The following FXR1 variants were observed in gnomAD, a reference collection of about 807,000 sequenced individuals.
FXR1 encodes FMR1 autosomal homolog 1.
In FXR1, 15 loss-of-function variants were observed where a neutral mutation model predicts 84.0. That is an observed-to-expected ratio of 0.18 (90% confidence interval 0.12 to 0.27). FXR1 has a LOEUF of 0.27. Ranked by LOEUF, FXR1 falls within the 10% of genes least tolerant of loss-of-function variation. The pLI is 1.00. For missense variants in FXR1, 480 were observed against 774.4 expected (o/e 0.62, Z 4.51); for synonymous variants, 245 against 250.7 (o/e 0.98, Z 0.21).
intron 3 of FXR1, among the ~76,000 whole-genome samples, chr3:180,944,944 G>A (rs1721544048): frequency 1.3e-5 from 2 of 152,206 alleles, no homozygotes; most frequent in South Asian, 4.1e-4. Context: ...ATTTTAGTGA[G>A]GGTTTAAACA....
At chr3:180,973,803 ATAGT>A (rs375122839) in intron 15 of FXR1, among the ~76,000 whole-genome samples, 15 of 152,290 alleles carry the variant, frequency 9.8e-5, no homozygotes, top group African/African-American at 3.4e-4. Flanking sequence ...GATTTACATA[ATAGT>A]TCTAGAAAGT....
In FXR1 at chr3:180,979,855, G is replaced by A. The variant is rs1714529490; in HGVS notation, c.*3563G>A. ...AAAAGTTTATCAGTGTATCATTTCAGATTCATCTGTATCTTCTGTAATATT... is the reference window on the plus strand; with the variant it reads ...AAAAGTTTATCAGTGTATCATTTCAAATTCATCTGTATCTTCTGTAATATT... On this transcript the variant is annotated 3_prime_UTR_variant, in exon 17 of 17. Transcript: ENST00000357559. 6.6e-6 allele frequency: 1 copy of A among 151,940 alleles called. No homozygotes were observed. The highest frequency in any genetic ancestry group is 1.5e-5 in the Non-Finnish European group (1 of 67,918). 9.4% of individuals were successfully genotyped at this position (151,940 alleles called of 1,614,324 possible). A position where few individuals can be genotyped will look rare whatever the true frequency, so the allele number is the denominator to read the frequency against.
At chr3:180,963,792 ATTCTTCTTC>A (rs1255063091) in intron 13 of FXR1, among the ~76,000 whole-genome samples, 3 of 152,086 alleles carry the variant, frequency 2.0e-5, no homozygotes, top group Admixed American at 6.6e-5. Flanking sequence ...ATTCTCCCTT[ATTCTTCTTC>A]AGCTTTGGAG....
At chr3:180,928,747 G>A (rs1432446732) in intron 1 of FXR1, among the ~76,000 whole-genome samples, 6 of 151,882 alleles carry the variant, frequency 4.0e-5, no homozygotes, top group African/African-American at 1.5e-4. Context: ...GAAGGCTAAT[G>A]GATTGTTAGT....
Position 180,929,756 on chromosome 3 carries a change from T to A in FXR1, c.52-3578T>A, listed in dbSNP as rs570153492. ...GGTGGCTTGGGAATACAAAAATACA[T>A]TTAAAAGTATTGACTGTGTCCTGTG... On this transcript the variant is annotated intron_variant, in intron 1 of 16. Coordinates refer to ENST00000357559, the MANE Select transcript of FXR1 (RefSeq NM_005087.4). Among the ~76,000 whole-genome samples the A allele has an allele frequency of 2.4e-4, 37 of 152,286 alleles. No individual in the cohort carries two copies. The Middle Eastern group carries it at 0.01, about 42-fold the overall frequency.
rs534148558 is a variant in FXR1 at position 180,982,635 on chromosome 3, A to ACTAT, written c.*6346_*6349dup. On this transcript the variant is annotated 3_prime_UTR_variant, in exon 17 of 17. Transcript: ENST00000357559. ...CTTCATTGCCTGTCGGCATATTATC[A>ACTAT]CTATCTGTCTTTGAAAAATTTTCTT... 1.3e-5 allele frequency: 2 copies of ACTAT among 152,228 alleles called. No homozygotes were observed. Among genetic ancestry groups the ACTAT allele is most frequent in the South Asian group, 2.1e-4 (1 of 4,830 alleles). The allele number at this position is 152,228 out of a possible 1,614,324, so 9.4% of individuals were successfully genotyped here.
At chr3:180,966,172 T>C (rs1441728984) in intron 13 of FXR1, among the ~76,000 whole-genome samples, 2 of 152,186 alleles carry the variant, frequency 1.3e-5, no homozygotes, top group East Asian at 3.8e-4. Context: ...TTTTTGTCAT[T>C]TGGTGAAATA....
At chr3:180,925,018 A>G (rs2108431549) in intron 1 of FXR1, among the ~76,000 whole-genome samples, 1 of 152,312 alleles carries the variant, frequency 6.6e-6, no homozygotes, top group African/African-American at 2.4e-5. Flanking sequence ...TTTCTTCTCA[A>G]AATATCTTCC....
chr3:180,965,472 C>A (rs979097407), intron 13 of FXR1, among the ~76,000 whole-genome samples: 4 of 147,574 alleles, frequency 2.7e-5, no homozygotes, highest in Non-Finnish European at 4.6e-5. Context: ...GAGGCTTGAC[C>A]ACAGAAATTT....
rs182919487 is a variant in FXR1, at chr3:180,945,345, A to G, written c.199-2520A>G. ...ATACACATCTGCTTTTGACATTTCC[A>G]CTTACGAAGTACATTTTGGCACACA... On this transcript the variant is annotated intron_variant, in intron 3 of 16. Transcript: ENST00000357559. Among the ~76,000 whole-genome samples, 7 of 152,262 alleles carry G rather than the reference A, an allele frequency of 4.6e-5. No individual in the cohort carries two copies. The East Asian group carries it at 1.4e-3, about 29-fold the overall frequency.
At chr3:180,912,836 C>T (rs1412115397) in intron 1 of FXR1, 100 bp downstream of exon 1, 13 of 1,600,518 alleles carry the variant, frequency 8.1e-6, no homozygotes, top group Non-Finnish European at 3.4e-6. Context: ...GTCGGAAAGG[C>T]AGCCAGGCCA....
Position 180,951,460 on chromosome 3 carries a change from T to C in FXR1, c.793T>C (p.Tyr265His). 6.2e-7 allele frequency: 1 copy of C among 1,609,078 alleles called. No homozygotes were observed. Residue 265 changes from tyrosine (Y) to histidine (H), a missense_variant, in exon 8 of 17, where the codon TAC becomes CAC. Tyr to His is a moderately conservative substitution (Grantham distance 83). Transcript: ENST00000357559. ...TGAAGATACTGGAACATTCAGAATC[T>C]ACGGAGAGGTAAGTTCTCTTTCTCC... ...LDEDTGTFRI[Y>H]GESADAVKKA...
At chr3:180,938,740 G>A (rs927308286) in intron 3 of FXR1, among the ~76,000 whole-genome samples, 3 of 151,988 alleles carry the variant, frequency 2.0e-5, no homozygotes, top group Non-Finnish European at 4.4e-5. Context: ...TAGCGACGGG[G>A]TTTCTCCATG....
intron 13 of FXR1, among the ~76,000 whole-genome samples, chr3:180,965,984 T>C (rs1712778066): frequency 1.3e-5 from 2 of 152,076 alleles, no homozygotes; most frequent in Non-Finnish European, 2.9e-5. Context: ...TTTGAGAGAG[T>C]CTTCAGAATG....
chr3:180,975,646 C>G (rs184047902), intron 16 of FXR1, among the ~76,000 whole-genome samples: 1 of 152,236 alleles, frequency 6.6e-6, no homozygotes, highest in African/African-American at 2.4e-5. Flanking sequence ...CCCAAAGATA[C>G]TGGGCATAGA....
intron 10 of FXR1, among the ~76,000 whole-genome samples, chr3:180,959,557 AT>A (rs1235143120): frequency 6.6e-6 from 1 of 152,134 alleles, no homozygotes; most frequent in African/African-American, 2.4e-5. Flanking sequence ...CAATTTTTAA[AT>A]GAGTATTAAA....
chr3:180,915,211 T>G lies in FXR1; in HGVS notation c.51+2475T>G, dbSNP rs566995702. Among the ~76,000 whole-genome samples, 3 of 152,318 alleles carry G rather than the reference T, an allele frequency of 2.0e-5. No homozygotes were observed. The South Asian group carries it at 6.2e-4, about 32-fold the overall frequency. On this transcript the variant is annotated intron_variant, in intron 1 of 16. Transcript: ENST00000357559. ...TAATTTACATACAGTAAAATAAGCC[T>G]TTTTTGGTGTACGGTTATGAATCTT... is the stretch of plus-strand genomic sequence containing the variant.
chr3:180,951,286 C>G lies in FXR1; in HGVS notation c.631-12C>G, dbSNP rs1299107353. On this transcript the variant is annotated splice_polypyrimidine_tract_variant and intron_variant, in intron 7 of 16. Transcript: ENST00000357559. ...TTGATCTTTTATATTACTAATTTTC[C>G]TTTTTTATTAGTGCACAAAACAACT... is the stretch of plus-strand genomic sequence containing the variant. The G allele has an allele frequency of 1.3e-6, 2 of 1,542,292 alleles. No homozygotes were observed. Among genetic ancestry groups the G allele is most frequent in the African/African-American group, 2.8e-5 (2 of 72,410 alleles).
intron 1 of FXR1, chr3:180,915,594 A>G (rs775929232): frequency 1.1e-6 from 1 of 908,570 alleles, no homozygotes; most frequent in Non-Finnish European, 1.7e-6. Context: ...ATTTTAGTGT[A>G]TTTCTTTGGT....
Sources: allele counts gnomAD v4.1 joint callset (sites outside exome capture counted in the v4.1 genomes callset), GRCh38; gene constraint gnomAD v4.1.1; transcripts MANE v1.5; gene names NCBI Gene and HGNC (gene_info 2026-07-23, HGNC 2026-07-21).